UGT1A4: variants seen among roughly 807,000 people sequenced by gnomAD.
UGT1A4 encodes UDP glucuronosyltransferase family 1 member A4.
UGT1A4 carries 32 observed loss-of-function variants against 41.1 expected under a neutral mutation model. The ratio of observed to expected loss-of-function variants is 0.78; its 90% CI spans 0.59 to 1.05. The LOEUF (loss-of-function observed/expected upper bound fraction) is 1.05, where lower values mean the gene tolerates loss of function less well. Ranked by LOEUF, UGT1A4 falls within the 50% of genes least tolerant of loss-of-function variation. The pLI, the probability that UGT1A4 is intolerant of heterozygous loss-of-function variation, is 0.00. For synonymous variants in UGT1A4, 283 were observed against 265.1 expected (o/e 1.07, Z -0.66); for missense variants, 748 against 677.4 (o/e 1.10, Z -1.16).
At chr2:233,743,412 T>G in intron 1 of UGT1A4, 4 of 1,321,888 alleles carry the variant, frequency 3.0e-6, no homozygotes, top group Non-Finnish European at 3.0e-6. Flanking sequence ...GGCCCCCACT[T>G]CCCAGGGAGC....
intron 1 of UGT1A4, chr2:233,752,472 A>G (rs185071344): frequency 6.6e-5 from 10 of 152,356 alleles, no homozygotes; most frequent in Admixed American, 4.6e-4. Flanking sequence ...GGCCTCTAGC[A>G]GTGTTATGTT....
In UGT1A4 at chr2:233,769,823, C is replaced by A. The variant is rs1252116472; in HGVS notation, c.1307+1384C>A. The A allele has an allele frequency of 4.0e-5, 32 of 804,912 alleles. No homozygotes were observed. Among genetic ancestry groups the A allele is most frequent in the Non-Finnish European group, 5.3e-5 (30 of 565,272 alleles). 49.9% of individuals were successfully genotyped at this position (804,912 alleles called of 1,614,324 possible). A position where few individuals can be genotyped will look rare whatever the true frequency, so the allele number is the denominator to read the frequency against. On this transcript the variant is annotated intron_variant, in intron 4 of 4. Transcript: ENST00000373409. The surrounding 1 kb of genome is among the most constrained non-coding windows in gnomAD (Gnocchi z 4.4). ...TGAGCCGTGATCATGCCACTGCACT[C>A]CAGCAACCTGGGCAACAGAGTGAGA...
chr2:233,731,513 C>A (rs972587345), intron 1 of UGT1A4, among the ~76,000 whole-genome samples: 1 of 152,148 alleles, frequency 6.6e-6, no homozygotes, highest in Non-Finnish European at 1.5e-5. Flanking sequence ...CAGTTCCCAC[C>A]TATGAGTGAG....
chr2:233,722,439 G>C (rs1180645142), intron 1 of UGT1A4, among the ~76,000 whole-genome samples: 1 of 152,066 alleles, frequency 6.6e-6, no homozygotes, highest in African/African-American at 2.4e-5. Context: ...TTATTTGATT[G>C]GTCTTCTCAA....
intron 1 of UGT1A4, among the ~76,000 whole-genome samples, chr2:233,745,499 C>T (rs763251786): frequency 6.6e-6 from 1 of 151,510 alleles, no homozygotes; most frequent in Non-Finnish European, 1.5e-5. Context: ...TCTAAGATTT[C>T]CTATAGGGTA....
intron 1 of UGT1A4, chr2:233,743,541 ACC>A (rs544018510): frequency 1.5e-6 from 2 of 1,366,832 alleles, no homozygotes; most frequent in Non-Finnish European, 2.0e-6. Context: ...AGTTCCTCTG[ACC>A]CCCCCAAAAT....
Position 233,767,859 on chromosome 2 carries a change from G to T in UGT1A4, c.1010G>T (p.Arg337Leu). Residue 337 changes from arginine (R) to leucine (L), a missense_variant, in exon 3 of 5, where the codon CGG becomes CTG. Arg to Leu is a moderately radical substitution (Grantham distance 102, BLOSUM62 -2). Coordinates refer to ENST00000373409, the MANE Select transcript of UGT1A4 (RefSeq NM_007120.3). ...TTTTGCCCCTCCCAGGTCCTGTGGC[G>T]GTACACTGGAACCCGACCATCGAAT... ...LGKIPQTVLW[R>L]YTGTRPSNLA... 6.2e-7 allele frequency: 1 copy of T among 1,614,058 alleles called. No individual in the cohort carries two copies.
At chr2:233,763,131 T>C (rs1039292285) in intron 1 of UGT1A4, among the ~76,000 whole-genome samples, 1 of 152,268 alleles carries the variant, frequency 6.6e-6, no homozygotes, top group African/African-American at 2.4e-5. Flanking sequence ...CTGGCATTTA[T>C]TGATATAACC....
intron 1 of UGT1A4, among the ~76,000 whole-genome samples, chr2:233,737,566 A>G (rs560487651): frequency 6.6e-6 from 1 of 152,226 alleles, no homozygotes; most frequent in South Asian, 2.1e-4. Flanking sequence ...GGATGCACCC[A>G]CTATCCAACC....
At chr2:233,743,758 G>C (rs761738753) in intron 1 of UGT1A4, 2 of 1,367,326 alleles carry the variant, frequency 1.5e-6, no homozygotes, top group African/African-American at 1.5e-5. Flanking sequence ...ACAACACCTC[G>C]TAGGCCTCGG....
At position 233,772,651 on chromosome 2, in the gene UGT1A4, T is replaced by C. The variant is rs1700540535; in HGVS notation, c.*92T>C. 1.3e-6 allele frequency: 2 copies of C among 1,547,716 alleles called. No individual in the cohort carries two copies. Among genetic ancestry groups the C allele is most frequent in the Non-Finnish European group, 1.7e-6 (2 of 1,146,578 alleles). ...ATCAGTGTTAAATTCATTTTATTCT[T>C]ATTAAGGAAATACTTTGCATAAATT... On this transcript the variant is annotated 3_prime_UTR_variant, in exon 5 of 5. Transcript: ENST00000373409.
chr2:233,726,612 G>T (rs540444142), intron 1 of UGT1A4, among the ~76,000 whole-genome samples: 42 of 152,220 alleles, frequency 2.8e-4, no homozygotes, highest in African/African-American at 9.9e-4. Context: ...ACACTGTCCT[G>T]CCCAGATACC....
At chr2:233,766,543 C>T (rs1171060177) in intron 1 of UGT1A4, among the ~76,000 whole-genome samples, 8 of 152,170 alleles carry the variant, frequency 5.3e-5, no homozygotes, top group Admixed American at 5.2e-4. Flanking sequence ...AACAAAAATG[C>T]CTGTCCTCAC....
intron 1 of UGT1A4, chr2:233,743,960 G>A (rs745723342): frequency 3.1e-5 from 42 of 1,334,096 alleles, no homozygotes; most frequent in South Asian, 3.6e-5. Flanking sequence ...CACAGCGAGC[G>A]GCAAGGCTGC....
rs140860588 is a variant in UGT1A4 at position 233,718,960 on chromosome 2, C to T, written c.140C>T (p.Ala47Val). The change falls in exon 1 of 5, where the codon GCC (alanine) becomes GTC (valine). Residue 47 changes from alanine to valine, a missense_variant. Coordinates refer to ENST00000373409, the MANE Select transcript of UGT1A4 (RefSeq NM_007120.3). ...AGCCCCTGGCTCAGCATGCGGGAGG[C>T]CTTGCGGGAGCTCCATGCCAGAGGC... ...DGSPWLSMRE[A>V]LRELHARGHQ... 1.4e-4 allele frequency: 218 copies of T among 1,614,192 alleles called. No homozygotes were observed. The highest frequency in any genetic ancestry group is 1.5e-4 in the Non-Finnish European group (177 of 1,180,018).
intron 1 of UGT1A4, among the ~76,000 whole-genome samples, chr2:233,750,910 G>A (rs1371262201): frequency 6.6e-6 from 1 of 151,884 alleles, no homozygotes; most frequent in African/African-American, 2.4e-5. Flanking sequence ...GCTAGAGAAG[G>A]GTGGTAAAGA....
intron 1 of UGT1A4, among the ~76,000 whole-genome samples, chr2:233,733,920 G>C (rs2078453813): frequency 1.3e-5 from 2 of 151,954 alleles, no homozygotes; most frequent in Non-Finnish European, 1.5e-5. Context: ...GAATTCGGCT[G>C]TGAGGAAGGG....
chr2:233,737,458 C>G (rs1404187897), intron 1 of UGT1A4, among the ~76,000 whole-genome samples: 1 of 152,216 alleles, frequency 6.6e-6, no homozygotes, highest in Non-Finnish European at 1.5e-5. Context: ...CAGGTACAGT[C>G]TGTCATGGCT....
chr2:233,760,580 A>G, intron 1 of UGT1A4: 1 of 1,614,212 alleles, frequency 6.2e-7, no homozygotes, highest in Non-Finnish European at 8.5e-7. Context: ...CTCGGGCATA[A>G]TGTTTTTGAG....
Sources: gnomAD v4.1 joint callset for allele counts (sites outside exome capture counted in the v4.1 genomes callset) on GRCh38, gnomAD v4.1.1 for gene constraint, Gnocchi (gnomAD v3.1) non-coding constraint, MANE v1.5 for transcripts, NCBI Gene and HGNC (gene_info 2026-07-23, HGNC 2026-07-21) for gene names.